Variants in SNPH observed in about 807,000 individuals in gnomAD.
SNPH encodes the protein syntaphilin.
In SNPH, 10 loss-of-function variants were observed where a neutral mutation model predicts 36.8. The observed-to-expected ratio is 0.27, with a 90% confidence interval of 0.17 to 0.46. The LOEUF is 0.46. Among genes scored for constraint, SNPH ranks in the 20% least tolerant of loss-of-function variants. The pLI is 1.00. For synonymous variants in SNPH, 281 were observed against 312.2 expected, an observed-to-expected ratio of 0.90 and a Z score of 1.05; for missense variants, 622 against 744.0, an observed-to-expected ratio of 0.84 and a Z score of 1.91.
chr20:1,289,419 C>T (rs2088324568), intron 2 of SNPH, among the ~76,000 whole-genome samples: 2 of 152,148 alleles, frequency 1.3e-5, no homozygotes, highest in South Asian at 2.1e-4. Flanking sequence ...CTCTTGCTCC[C>T]CTTCTGCTGC....
chr20:1,307,650 CCTT>C lies in SNPH; in HGVS notation c.*1599_*1601del, dbSNP rs1414715404. The C allele has an allele frequency of 6.6e-6, 1 of 152,644 alleles. No homozygotes were observed. Among genetic ancestry groups the C allele is most frequent in the Admixed American group, 6.5e-5 (1 of 15,292 alleles). The allele number at this position is 152,644 out of a possible 1,614,324, so 9.5% of individuals were successfully genotyped here. ...CCATTGCCTAACTCATGGGCTCTGC[CCTT>C]CTGCTCGGTGCCCTCCACGTGAGGC... is the stretch of plus-strand genomic sequence containing the variant. On this transcript the variant is annotated 3_prime_UTR_variant, in exon 7 of 7. Transcript: ENST00000381867.
rs1288925743 is a variant in SNPH at position 1,285,636 on chromosome 20, G to A, written c.-492-9315G>A. Reference sequence around the variant, plus strand: ...GGAGAATGAGGCTTAGAGGAGTAAAGTGGCATTCCCACTGTCATAAAGATG... The same window carrying A: ...GGAGAATGAGGCTTAGAGGAGTAAAATGGCATTCCCACTGTCATAAAGATG... On this transcript the variant is annotated intron_variant, in intron 2 of 6. Transcript: ENST00000381867. This position sits in a 1 kb window ranked among gnomAD's most constrained non-coding sequence, Gnocchi z 4.9. Among the ~76,000 whole-genome samples, 1 of 152,200 alleles carries A rather than the reference G, an allele frequency of 6.6e-6. No individual in the cohort carries two copies. Among genetic ancestry groups the A allele is most frequent in the Non-Finnish European group, 1.5e-5 (1 of 68,040 alleles).
rs2088138485 is a variant in SNPH at position 1,276,887 on chromosome 20, G to A, written c.-493+10127G>A. Among the ~76,000 whole-genome samples, 1 of 152,172 alleles carries A rather than the reference G, an allele frequency of 6.6e-6. No individual in the cohort carries two copies. Among genetic ancestry groups the A allele is most frequent in the Non-Finnish European group, 1.5e-5 (1 of 68,036 alleles). On this transcript the variant is annotated intron_variant, in intron 2 of 6. Transcript: ENST00000381867. This position sits in a 1 kb window ranked among gnomAD's most constrained non-coding sequence, Gnocchi z 4.6. ...ATTCTTTCCTGTCCAGAATTTTTGC[G>A]ATTCTGTGAAGACTTGACTCAGATC...
Position 1,306,128 on chromosome 20 carries a change from C to A in SNPH, c.*74C>A. ...GGATGCCGTTCCCCCCTCCCTTCTC[C>A]CATGGGCATCATCTTATTTATTTAG... On this transcript the variant is annotated 3_prime_UTR_variant, in exon 7 of 7. Transcript: ENST00000381867. 1 of 1,165,988 alleles carries A rather than the reference C, an allele frequency of 8.6e-7. No individual in the cohort carries two copies. Among genetic ancestry groups the A allele is most frequent in the Non-Finnish European group, 1.1e-6 (1 of 873,034 alleles). The allele number at this position is 1,165,988 out of a possible 1,614,324, so 72.2% of individuals were successfully genotyped here.
At chr20:1,295,726 G>A (rs2122391219) in intron 3 of SNPH, 50 bp from the exon 4 acceptor site, 1 of 154,684 alleles carries the variant, frequency 6.5e-6, no homozygotes, top group East Asian at 1.9e-4. Context: ...GTATCCGTAT[G>A]TCTTTCTACA....
chr20:1,280,717 T>G (rs1386208110), intron 2 of SNPH, among the ~76,000 whole-genome samples: 2 of 152,140 alleles, frequency 1.3e-5, no homozygotes, highest in Non-Finnish European at 2.9e-5. Flanking sequence ...AGGATGGAGC[T>G]CCCTCAGGGG....
intron 2 of SNPH, among the ~76,000 whole-genome samples, chr20:1,268,933 T>TAG (rs968061109): frequency 5.3e-5 from 8 of 152,292 alleles, no homozygotes; most frequent in African/African-American, 1.9e-4. Flanking sequence ...GGCTCCTGAC[T>TAG]AGACCAAAAG....
At chr20:1,287,426 T>C (rs1158668868) in intron 2 of SNPH, among the ~76,000 whole-genome samples, 1 of 152,118 alleles carries the variant, frequency 6.6e-6, no homozygotes, top group Non-Finnish European at 1.5e-5. Context: ...ATTTTTGCCC[T>C]GGTGAGGGCA....
At chr20:1,272,176 A>G (rs888573648) in intron 2 of SNPH, among the ~76,000 whole-genome samples, 2 of 151,770 alleles carry the variant, frequency 1.3e-5, no homozygotes, top group Non-Finnish European at 2.9e-5. Context: ...TTTGCCACAG[A>G]CTCGTGTTCT....
At chr20:1,267,503 C>T (rs930998133) in intron 2 of SNPH, among the ~76,000 whole-genome samples, 28 of 152,160 alleles carry the variant, frequency 1.8e-4, no homozygotes, top group African/African-American at 6.0e-4. Context: ...CAGGCAGAGT[C>T]GTGTAAGGAA....
intron 6 of SNPH, among the ~76,000 whole-genome samples, chr20:1,303,018 A>G (rs1568550917): frequency 6.6e-6 from 1 of 152,216 alleles, no homozygotes; most frequent in Non-Finnish European, 1.5e-5. Context: ...TTTGGGCAGG[A>G]TGCCCTGGTG....
chr20:1,297,946 G>T (rs138686739), intron 5 of SNPH, among the ~76,000 whole-genome samples: 80 of 152,342 alleles, frequency 5.3e-4, no homozygotes, highest in Non-Finnish European at 1.0e-3. Context: ...GAAATGTTAC[G>T]AATGCAGCAG....
At chr20:1,270,174 T>C (rs995578861) in intron 2 of SNPH, among the ~76,000 whole-genome samples, 1 of 152,234 alleles carries the variant, frequency 6.6e-6, no homozygotes, top group Non-Finnish European at 1.5e-5. Flanking sequence ...CTTAACTTGC[T>C]AAACATTGAC....
chr20:1,284,201 C>T (rs2088258143), intron 2 of SNPH, among the ~76,000 whole-genome samples: 2 of 152,166 alleles, frequency 1.3e-5, no homozygotes, highest in South Asian at 4.1e-4. Context: ...GACAAGCTCA[C>T]TAAATAGAAC....
Position 1,305,313 on chromosome 20 carries a change from C to A in SNPH, c.876C>A (p.Ala292=), listed in dbSNP as rs369350508. 2.2e-5 allele frequency: 35 copies of A among 1,610,414 alleles called. No homozygotes were observed. In the East Asian group the frequency reaches 7.8e-4, roughly 36 times the overall value. Residue 292 remains alanine (A), a synonymous_variant, in exon 7 of 7, where the codon GCC becomes GCA. Coordinates refer to ENST00000381867, the MANE Select transcript of SNPH (RefSeq NM_001318234.2). ...EDGADSGFAA[A]DDTLSRTDAL... is the part of the protein sequence containing the mutation. ...GGGCAGACAGTGGCTTTGCAGCAGC[C>A]GATGACACACTGAGCCGGACGGACG...
intron 5 of SNPH, among the ~76,000 whole-genome samples, chr20:1,298,887 G>A (rs2122416517): frequency 6.7e-6 from 1 of 149,862 alleles, no homozygotes; most frequent in South Asian, 2.1e-4. Flanking sequence ...GACTAAAAAT[G>A]TACACGTGTT....
In SNPH at chr20:1,266,874, G is replaced by GGGT; in HGVS notation, c.-493+115_-493+117dup. 1 of 1,250,166 alleles carries GGGT rather than the reference G, an allele frequency of 8.0e-7. No homozygotes were observed. 77.4% of individuals were successfully genotyped at this position (1,250,166 alleles called of 1,614,324 possible). A position where few individuals can be genotyped will look rare whatever the true frequency, so the allele number is the denominator to read the frequency against. ...CCCTTGGAGGGCACCAGCCTAAGAG[G>GGGT]GGTTAATCGTGACTCATTCTTACCC... On this transcript the variant is annotated intron_variant, in intron 2 of 6. Transcript: ENST00000381867. The surrounding 1 kb of genome is among the most constrained non-coding windows in gnomAD (Gnocchi z 6.0).
chr20:1,300,235 G>A (rs1568549631), intron 5 of SNPH, among the ~76,000 whole-genome samples: 1 of 152,202 alleles, frequency 6.6e-6, no homozygotes, highest in Non-Finnish European at 1.5e-5. Flanking sequence ...CCTACTTCAG[G>A]GCTGCTATAA....
intron 2 of SNPH, among the ~76,000 whole-genome samples, chr20:1,275,792 T>C (rs1049917985): frequency 3.3e-5 from 5 of 152,188 alleles, no homozygotes; most frequent in African/African-American, 1.2e-4. Context: ...TTTGATAGTT[T>C]ATGACTTCAG....
Sources: allele counts gnomAD v4.1 joint callset (sites outside exome capture counted in the v4.1 genomes callset), GRCh38; gene constraint gnomAD v4.1.1; non-coding constraint Gnocchi (gnomAD v3.1); transcripts MANE v1.5; gene names NCBI Gene and HGNC (gene_info 2026-07-23, HGNC 2026-07-21).